SUFU: variants seen among roughly 807,000 people sequenced by gnomAD.
The protein encoded by SUFU is suppressor of fused homolog.
SUFU carries 7 observed loss-of-function variants against 58.9 expected under a neutral mutation model. That is an observed-to-expected ratio of 0.12 (90% CI 0.07 to 0.22). The LOEUF is 0.22. Among genes scored for constraint, SUFU ranks in the 10% least tolerant of loss-of-function variants. The probability of loss-of-function intolerance (pLI) is 1.00; values close to 1 mark genes in which losing one functional copy is unlikely to be tolerated. For missense variants in SUFU, 451 were observed against 641.3 expected (o/e 0.70, Z 3.20); for synonymous variants, 232 against 254.8 (o/e 0.91, Z 0.85).
chr10:102,603,333 T>G (rs1350282956), intron 8 of SUFU, among the ~76,000 whole-genome samples: 1 of 152,074 alleles, frequency 6.6e-6, no homozygotes, highest in Non-Finnish European at 1.5e-5. Flanking sequence ...GGCCTGTATT[T>G]CTCTAAACTG....
intron 3 of SUFU, among the ~76,000 whole-genome samples, chr10:102,573,811 G>A (rs569666068): frequency 6.6e-6 from 1 of 152,240 alleles, no homozygotes; most frequent in East Asian, 1.9e-4. Context: ...CAAAATGTTG[G>A]TTTCCAGGGG....
chr10:102,599,425 C>A lies in SUFU; in HGVS notation c.911-8C>A. On this transcript the variant is annotated splice_polypyrimidine_tract_variant and splice_region_variant and intron_variant, in intron 7 of 11. Transcript: ENST00000369902. ...GGGCCACTGGGCAACTTAGTGGTGT[C>A]GTTGCAGACACAGAGCAGATCCGGG... 6.2e-7 allele frequency: 1 copy of A among 1,608,704 alleles called. No homozygotes were observed. The highest frequency in any genetic ancestry group is 1.1e-5 in the South Asian group (1 of 90,974).
intron 2 of SUFU, among the ~76,000 whole-genome samples, chr10:102,539,198 C>G (rs949149425): frequency 2.0e-5 from 3 of 152,188 alleles, no homozygotes; most frequent in African/African-American, 7.2e-5. Flanking sequence ...CTCTTAGATG[C>G]CTTCAAATGT....
At chr10:102,592,482 G>C in intron 3 of SUFU, 100 bp from the exon 4 acceptor site, 1 of 1,409,158 alleles carries the variant, frequency 7.1e-7, no homozygotes, top group Non-Finnish European at 9.9e-7. Context: ...ACCCTAAGAG[G>C]CTGGGAAGCC....
chr10:102,619,041 A>G lies in SUFU; in HGVS notation c.1296+1613A>G, dbSNP rs1665580674. 2 of 1,611,078 alleles carry G rather than the reference A, an allele frequency of 1.2e-6. No individual in the cohort carries two copies. The highest frequency in any genetic ancestry group is 3.3e-5 in the Admixed American group (2 of 59,812). ...GGGGCCTCCCCAAACTGCAGAATCT[A>G]CCCAGTTATGTTTGACATCCTCAGC... On this transcript the variant is annotated intron_variant, in intron 10 of 11. Transcript: ENST00000369902. This position sits in a 1 kb window ranked among gnomAD's most constrained non-coding sequence, Gnocchi z 4.2.
intron 2 of SUFU, among the ~76,000 whole-genome samples, chr10:102,516,714 A>C (rs1000624517): frequency 6.6e-6 from 1 of 151,772 alleles, no homozygotes. Flanking sequence ...CGCCCAGCTA[A>C]TTTTTGTATT....
At chr10:102,599,644 T>G in intron 8 of SUFU, 100 bp downstream of exon 8, 1 of 1,018,280 alleles carries the variant, frequency 9.8e-7, no homozygotes, top group Admixed American at 1.9e-5. Context: ...CACATAGCCC[T>G]TGCTGGATGG....
chr10:102,584,724 A>G (rs2063319257), intron 3 of SUFU, among the ~76,000 whole-genome samples: 2 of 152,184 alleles, frequency 1.3e-5, no homozygotes, highest in African/African-American at 4.8e-5. Flanking sequence ...TTTTCAGAGT[A>G]AGTTTGTTTA....
At chr10:102,595,491 A>G (rs2063451683) in intron 6 of SUFU, among the ~76,000 whole-genome samples, 1 of 152,222 alleles carries the variant, frequency 6.6e-6, no homozygotes. Context: ...AGCATGGGGC[A>G]CTGTGGGCCG....
intron 6 of SUFU, among the ~76,000 whole-genome samples, chr10:102,596,470 G>A (rs150460229): frequency 4.6e-5 from 7 of 152,294 alleles, no homozygotes; most frequent in African/African-American, 1.4e-4. Context: ...GTCTCGATGG[G>A]GAGAGAAGGG....
intron 8 of SUFU, among the ~76,000 whole-genome samples, chr10:102,600,197 C>T (rs1336592568): frequency 6.6e-6 from 1 of 152,180 alleles, no homozygotes; most frequent in African/African-American, 2.4e-5. Flanking sequence ...TGGGCACCCC[C>T]CTCTGCCCTT....
chr10:102,607,935 G>A (rs866131042), intron 8 of SUFU, among the ~76,000 whole-genome samples: 2 of 147,704 alleles, frequency 1.4e-5, no homozygotes, highest in South Asian at 2.2e-4. Flanking sequence ...AGAAAAGAAA[G>A]AAAAGAAAAG....
intron 2 of SUFU, among the ~76,000 whole-genome samples, chr10:102,533,220 A>G (rs910823794): frequency 3.9e-5 from 6 of 152,148 alleles, no homozygotes; most frequent in African/African-American, 9.7e-5. Context: ...AACAATATAC[A>G]CTTATTGTGT....
intron 4 of SUFU, 150 bp downstream of exon 4, chr10:102,592,874 T>A (rs2063418717): frequency 1.1e-6 from 1 of 931,246 alleles, no homozygotes; most frequent in Non-Finnish European, 1.7e-6. Context: ...GTCAGGTAGA[T>A]TCAGATGGTC....
chr10:102,531,571 GC>G (rs1438388094), intron 2 of SUFU, among the ~76,000 whole-genome samples: 1 of 152,196 alleles, frequency 6.6e-6, no homozygotes, highest in African/African-American at 2.4e-5. Context: ...GAGATAGGCA[GC>G]TGCAATACAG....
At chr10:102,570,361 C>T (rs1344620597) in intron 3 of SUFU, among the ~76,000 whole-genome samples, 1 of 152,094 alleles carries the variant, frequency 6.6e-6, no homozygotes, top group Non-Finnish European at 1.5e-5. Flanking sequence ...CTTGCCTCAG[C>T]CTCTCAAGTA....
intron 2 of SUFU, among the ~76,000 whole-genome samples, chr10:102,548,468 T>G (rs1028669318): frequency 1.3e-5 from 2 of 152,194 alleles, no homozygotes; most frequent in African/African-American, 4.8e-5. Context: ...GACTGCATCA[T>G]CAGCCCTTGA....
intron 10 of SUFU, among the ~76,000 whole-genome samples, chr10:102,621,914 G>C (rs2135944669): frequency 6.6e-6 from 1 of 152,328 alleles, no homozygotes; most frequent in East Asian, 1.9e-4. Context: ...GCAGCAGCTG[G>C]GCCCCTGCCT....
intron 3 of SUFU, among the ~76,000 whole-genome samples, chr10:102,583,727 T>A (rs1307436973): frequency 1.3e-5 from 2 of 151,992 alleles, no homozygotes; most frequent in Non-Finnish European, 2.9e-5. Flanking sequence ...TAATTGTACT[T>A]TAAGTTTTAG....
Sources: gnomAD v4.1 joint callset for allele counts (sites outside exome capture counted in the v4.1 genomes callset) on GRCh38, gnomAD v4.1.1 for gene constraint, Gnocchi (gnomAD v3.1) non-coding constraint, MANE v1.5 for transcripts, NCBI Gene and HGNC (gene_info 2026-07-23, HGNC 2026-07-21) for gene names.